The following SEL1L3 variants were observed in gnomAD, a reference collection of about 807,000 sequenced individuals.
SEL1L3 encodes the protein protein sel-1 homolog 3.
A neutral mutation model predicts 142.8 loss-of-function variants in SEL1L3; 76 were observed. The ratio of observed to expected loss-of-function variants is 0.53; its 90% confidence interval spans 0.44 to 0.64. The LOEUF (loss-of-function observed/expected upper bound fraction) is 0.64. Ranked by LOEUF, SEL1L3 falls within the 30% of genes least tolerant of loss-of-function variation. SEL1L3 has a pLI of 0.00. For missense variants in SEL1L3, 1,262 were observed against 1,381.7 expected, an observed-to-expected ratio of 0.91 and a Z score of 1.37; for synonymous variants, 504 against 519.6, an observed-to-expected ratio of 0.97 and a Z score of 0.41.
At chr4:25,842,700 C>T (rs1716247046) in intron 2 of SEL1L3, among the ~76,000 whole-genome samples, 1 of 152,264 alleles carries the variant, frequency 6.6e-6, no homozygotes, top group Admixed American at 6.5e-5. Context: ...CTGTCCTTCC[C>T]TCTTGGTTAA....
chr4:25,837,898 A>G (rs982474622), intron 2 of SEL1L3, among the ~76,000 whole-genome samples: 1 of 152,184 alleles, frequency 6.6e-6, no homozygotes, highest in Non-Finnish European at 1.5e-5. Context: ...GGTAGCAACA[A>G]TACCAGTGCC....
intron 14 of SEL1L3, among the ~76,000 whole-genome samples, chr4:25,783,576 A>T (rs1011647612): frequency 9.9e-5 from 15 of 152,024 alleles, no homozygotes; most frequent in Admixed American, 2.6e-4. Context: ...GCATGCACAC[A>T]TGAGTGTGCA....
At chr4:25,821,800 T>C (rs1028889788) in intron 7 of SEL1L3, among the ~76,000 whole-genome samples, 196 bp downstream of exon 7, 2 of 152,218 alleles carry the variant, frequency 1.3e-5, no homozygotes, top group Non-Finnish European at 2.9e-5. Context: ...ATTTTATGAG[T>C]ACTAAATGAA....
intron 11 of SEL1L3, among the ~76,000 whole-genome samples, chr4:25,794,824 G>T (rs1712600307): frequency 1.3e-5 from 2 of 152,172 alleles, no homozygotes; most frequent in African/African-American, 2.4e-5. Flanking sequence ...ATCAGTGATA[G>T]ACTGGATAAA....
At chr4:25,813,006 T>G (rs1177713699) in intron 9 of SEL1L3, among the ~76,000 whole-genome samples, 1 of 152,188 alleles carries the variant, frequency 6.6e-6, no homozygotes, top group Non-Finnish European at 1.5e-5. Flanking sequence ...AGCCAGATTC[T>G]GTCTCAAAAA....
the SEL1L3 span, among the ~76,000 whole-genome samples, chr4:25,717,548 C>A: frequency 1.3e-5 from 2 of 152,100 alleles, no homozygotes; most frequent in African/African-American, 4.8e-5. Context: ...TGCCTGTAGT[C>A]CCAGCTACTT....
intron 2 of SEL1L3, among the ~76,000 whole-genome samples, chr4:25,842,616 C>A (rs1369436012): frequency 2.0e-5 from 3 of 152,192 alleles, no homozygotes; most frequent in Non-Finnish European, 2.9e-5. Flanking sequence ...AGGAGCACTG[C>A]CACCTCCACC....
intron 6 of SEL1L3, among the ~76,000 whole-genome samples, chr4:25,826,319 C>T (rs1715091113): frequency 6.6e-6 from 1 of 152,236 alleles, no homozygotes; most frequent in South Asian, 2.1e-4. Flanking sequence ...CACTTAATTC[C>T]TGATCTTCTC....
chr4:25,796,766 C>G (rs1053539787), intron 11 of SEL1L3, among the ~76,000 whole-genome samples: 1 of 150,126 alleles, frequency 6.7e-6, no homozygotes, highest in Non-Finnish European at 1.5e-5. Context: ...GACTCTATCT[C>G]GAAAAAAACA....
At chr4:25,839,284 A>G (rs1158400353) in intron 2 of SEL1L3, among the ~76,000 whole-genome samples, 1 of 152,230 alleles carries the variant, frequency 6.6e-6, no homozygotes. Flanking sequence ...CAGGTTCCTA[A>G]GGAAGTCTGT....
intron 19 of SEL1L3, among the ~76,000 whole-genome samples, chr4:25,766,475 A>G (rs1254149527): frequency 2.0e-5 from 3 of 151,854 alleles, no homozygotes; most frequent in Non-Finnish European, 4.4e-5. Context: ...GTATTAGTCA[A>G]TGTCCAATAA....
intron 2 of SEL1L3, among the ~76,000 whole-genome samples, chr4:25,841,813 A>G (rs1160743167): frequency 6.6e-6 from 1 of 152,148 alleles, no homozygotes; most frequent in East Asian, 1.9e-4. Flanking sequence ...TACAAAAATT[A>G]GCTGGGTGTG....
At chr4:25,743,317 G>C (rs1038608304), downstream of SEL1L3, among the ~76,000 whole-genome samples, 1 of 152,190 alleles carries the variant, frequency 6.6e-6, no homozygotes, top group Non-Finnish European at 1.5e-5. Context: ...TATGGTCTAA[G>C]AATGTCCAAA....
chr4:25,797,872 C>A (rs996720857), intron 11 of SEL1L3, among the ~76,000 whole-genome samples: 1 of 152,190 alleles, frequency 6.6e-6, no homozygotes, highest in African/African-American at 2.4e-5. Context: ...GCACACAACA[C>A]CCAGTGCAGG....
At chr4:25,812,605 A>G (rs557061544) in intron 9 of SEL1L3, among the ~76,000 whole-genome samples, 2 of 151,922 alleles carry the variant, frequency 1.3e-5, no homozygotes, top group East Asian at 3.9e-4. Flanking sequence ...CTAGTTACTC[A>G]GGAGGCTGAG....
chr4:25,840,003 T>C (rs546784466), intron 2 of SEL1L3, among the ~76,000 whole-genome samples: 1 of 152,290 alleles, frequency 6.6e-6, no homozygotes, highest in Non-Finnish European at 1.5e-5. Flanking sequence ...CTTTCTAATT[T>C]AGAACCTGGG....
chr4:25,858,115 G>A (rs1048161716), intron 1 of SEL1L3, among the ~76,000 whole-genome samples: 3 of 152,206 alleles, frequency 2.0e-5, no homozygotes, highest in Non-Finnish European at 4.4e-5. Flanking sequence ...GGCTATTTAC[G>A]GTCTACTCCA....
intron 17 of SEL1L3, among the ~76,000 whole-genome samples, chr4:25,774,620 G>T (rs1719476016): frequency 6.6e-6 from 1 of 152,184 alleles, no homozygotes; most frequent in African/African-American, 2.4e-5. Context: ...CAACACTTTG[G>T]GAGGCCAAGG....
rs762158962 is a variant in SEL1L3 at position 25,748,490 on chromosome 4, G to T, written c.3334C>A (p.Pro1112Thr). Residue 1112 changes from proline to threonine, a missense_variant, in exon 24 of 24, where the codon CCA (proline) becomes ACA (threonine). By Grantham distance (38) the Pro-to-Thr change is conservative. Transcript: ENST00000399878. Reference protein sequence around the residue: ...ATSTASPAVTPAADASDQDQP... With the variant: ...ATSTASPAVTTAADASDQDQP... ...TCTTGGTCAGAGGCATCTGCAGCTG[G>T]AGTCACAGCTGGACTTGCAGTGGAC... The T allele has an allele frequency of 1.2e-6, 2 of 1,611,568 alleles. No individual in the cohort carries two copies. Among genetic ancestry groups the T allele is most frequent in the East Asian group, 4.5e-5 (2 of 44,832 alleles).
Sources: gnomAD v4.1 joint callset for allele counts (sites outside exome capture counted in the v4.1 genomes callset) on GRCh38, gnomAD v4.1.1 for gene constraint, MANE v1.5 for transcripts, NCBI Gene and HGNC (gene_info 2026-07-23, HGNC 2026-07-21) for gene names.